ARSG: variants seen among roughly 807,000 people sequenced by gnomAD.
ARSG encodes the protein ASG.
A neutral mutation model predicts 50.5 loss-of-function variants in ARSG; 37 were observed. The observed-to-expected ratio is 0.73, with a 90% CI of 0.56 to 0.96. The LOEUF (loss-of-function observed/expected upper bound fraction) is 0.96. Among genes scored for constraint, ARSG ranks in the 50% least tolerant of loss-of-function variants. The pLI is 0.00. For missense variants in ARSG, 629 were observed against 675.3 expected (o/e 0.93, Z 0.76); for synonymous variants, 225 against 254.6 (o/e 0.88, Z 1.11).
At chr17:68,336,495 C>G (rs2078027577) in intron 2 of ARSG, among the ~76,000 whole-genome samples, 1 of 152,004 alleles carries the variant, frequency 6.6e-6, no homozygotes, top group Non-Finnish European at 1.5e-5. Context: ...CAGGCGTGAA[C>G]CACCACACCT....
At chr17:68,407,215 T>C (rs1281734951) in intron 11 of ARSG, among the ~76,000 whole-genome samples, 2 of 152,234 alleles carry the variant, frequency 1.3e-5, no homozygotes, top group African/African-American at 4.8e-5. Context: ...CTCTATTCTG[T>C]TCCATTGGTC....
At chr17:68,337,686 C>T (rs1361619751) in intron 2 of ARSG, among the ~76,000 whole-genome samples, 2 of 152,106 alleles carry the variant, frequency 1.3e-5, no homozygotes, top group East Asian at 1.9e-4. Context: ...GGCACGGTCT[C>T]AGCTCACCGC....
rs758499590 is a variant in ARSG at position 68,370,511 on chromosome 17, G to T, written c.969G>T (p.Trp323Cys). 2 of 1,613,860 alleles carry T rather than the reference G, an allele frequency of 1.2e-6. No individual in the cohort carries two copies. The highest frequency in any genetic ancestry group is 1.7e-4 in the Middle Eastern group (1 of 6,046). Residue 323 changes from tryptophan to cysteine, a missense_variant, in exon 8 of 12, where the codon TGG (tryptophan) becomes TGT (cysteine). Trp to Cys is a radical substitution (Grantham distance 215, BLOSUM62 -2). Transcript: ENST00000621439. ...GTGTGGGTCCCTTCACTGGATTTTG[G>T]CAAACTCGTCAAGGTAAGGGGCTCA... ...AGSVGPFTGF[W>C]QTRQGGSPAK...
chr17:68,334,798 C>T (rs996660622), intron 2 of ARSG, among the ~76,000 whole-genome samples: 12 of 152,094 alleles, frequency 7.9e-5, no homozygotes, highest in African/African-American at 2.9e-4. Flanking sequence ...TATATGGCGG[C>T]TCACAGAGTG....
At chr17:68,442,586 T>C in the ARSG span, among the ~76,000 whole-genome samples, 1 of 152,048 alleles carries the variant, frequency 6.6e-6, no homozygotes, top group African/African-American at 2.4e-5. Context: ...GCATTTACTG[T>C]CCACTCCCCT....
At chr17:68,403,271 T>G (rs2081558729) in intron 11 of ARSG, among the ~76,000 whole-genome samples, 1 of 152,326 alleles carries the variant, frequency 6.6e-6, no homozygotes, top group African/African-American at 2.4e-5. Flanking sequence ...GTAAAAGTCC[T>G]GCCAGAAAGC....
intron 10 of ARSG, chr17:68,400,473 G>A (rs2081424888): frequency 6.6e-6 from 1 of 152,224 alleles, no homozygotes; most frequent in Non-Finnish European, 1.5e-5. Context: ...GCTCAAGGGA[G>A]AGTTGGAACA....
At chr17:68,311,581 A>C (rs898293073) in intron 2 of ARSG, among the ~76,000 whole-genome samples, 2 of 152,060 alleles carry the variant, frequency 1.3e-5, no homozygotes, top group South Asian at 4.2e-4. Context: ...ACATTTCCTT[A>C]TAAGAAGAGG....
At chr17:68,356,611 T>C in intron 5 of ARSG, 56 bp from the exon 6 acceptor site, 3 of 1,603,818 alleles carry the variant, frequency 1.9e-6, no homozygotes, top group Non-Finnish European at 2.6e-6. Context: ...AGCATTTAGT[T>C]CTGCTCCGTG....
At chr17:68,435,883 A>G in the ARSG span, among the ~76,000 whole-genome samples, 15 of 152,186 alleles carry the variant, frequency 9.9e-5, no homozygotes, top group Non-Finnish European at 1.8e-4. Flanking sequence ...CTGGTGAATC[A>G]AGATTTGGCT....
chr17:68,286,913 A>G (rs1462273228), upstream of ARSG, among the ~76,000 whole-genome samples: 1 of 152,226 alleles, frequency 6.6e-6, no homozygotes, highest in African/African-American at 2.4e-5. Flanking sequence ...TCTTGCAAAC[A>G]TGGGTGTAAA....
chr17:68,348,054 C>G (rs887774531), intron 4 of ARSG, among the ~76,000 whole-genome samples: 2 of 152,240 alleles, frequency 1.3e-5, no homozygotes, highest in African/African-American at 4.8e-5. Flanking sequence ...CAGGGACCCA[C>G]TGGTCAGTAA....
the ARSG span, chr17:68,440,959 C>G: frequency 6.6e-6 from 1 of 152,204 alleles, no homozygotes; most frequent in Non-Finnish European, 1.5e-5. Context: ...AAAAGGGAAG[C>G]ATTTATACCA....
At chr17:68,409,939 A>G (rs2081926038) in intron 11 of ARSG, among the ~76,000 whole-genome samples, 1 of 150,112 alleles carries the variant, frequency 6.7e-6, no homozygotes, top group East Asian at 2.0e-4. Context: ...TTGTTGGTGT[A>G]TAAGAATGCT....
At chr17:68,397,774 A>AT (rs2081307721) in intron 10 of ARSG, among the ~76,000 whole-genome samples, 2 of 150,616 alleles carry the variant, frequency 1.3e-5, no homozygotes, top group African/African-American at 5.0e-5. Context: ...ATTTAATTTT[A>AT]TTTTATTTTT....
chr17:68,275,279 AGT>A (rs1307349118), intron 1 of ARSG, among the ~76,000 whole-genome samples: 1 of 151,994 alleles, frequency 6.6e-6, no homozygotes, highest in African/African-American at 2.4e-5. Flanking sequence ...CAGTGACGTA[AGT>A]GAGCCATTGA....
chr17:68,274,039 G>A (rs782327279), intron 1 of ARSG: 21 of 1,614,024 alleles, frequency 1.3e-5, no homozygotes, highest in Non-Finnish European at 1.5e-5. Context: ...GACGGTGTCC[G>A]AAACGATTGC....
chr17:68,427,082 G>T, downstream of ARSG: 2 of 1,455,488 alleles, frequency 1.4e-6, no homozygotes, highest in Non-Finnish European at 1.9e-6. Context: ...CAGGGAGAAG[G>T]GGAGGGAGGT....
At chr17:68,402,948 AAAAT>A (rs2081543495) in intron 11 of ARSG, among the ~76,000 whole-genome samples, 1 of 152,242 alleles carries the variant, frequency 6.6e-6, no homozygotes, top group South Asian at 2.1e-4. Flanking sequence ...TGAAAAACAA[AAAAT>A]AAAAAAAGGA....
Sources: allele counts gnomAD v4.1 joint callset (sites outside exome capture counted in the v4.1 genomes callset), GRCh38; gene constraint gnomAD v4.1.1; transcripts MANE v1.5; gene names NCBI Gene and HGNC (gene_info 2026-07-23, HGNC 2026-07-21).